The following TMEM117 variants were observed in gnomAD, a reference collection of about 807,000 sequenced individuals.
The protein encoded by TMEM117 is transmembrane protein 117.
In TMEM117, 27 loss-of-function variants were observed where a neutral mutation model predicts 52.4. The observed-to-expected ratio is 0.51, with a 90% confidence interval of 0.38 to 0.71. The LOEUF (loss-of-function observed/expected upper bound fraction) is 0.71. TMEM117 is among the 30% of genes least tolerant of loss of function. The pLI, the probability that TMEM117 is intolerant of heterozygous loss-of-function variation, is 0.00. For synonymous variants in TMEM117, 215 were observed against 206.3 expected (o/e 1.04, Z -0.36); for missense variants, 556 against 630.5 (o/e 0.88, Z 1.26).
intron 2 of TMEM117, among the ~76,000 whole-genome samples, chr12:43,858,731 G>C (rs1943440017): frequency 6.6e-6 from 1 of 152,228 alleles, no homozygotes. Context: ...ACACAAACCT[G>C]AGAGAGTGAG....
intron 5 of TMEM117, among the ~76,000 whole-genome samples, chr12:44,260,639 T>C (rs1950309679): frequency 6.6e-6 from 1 of 152,200 alleles, no homozygotes; most frequent in Non-Finnish European, 1.5e-5. Context: ...TTGGTTACTT[T>C]GGTTATCATT....
At chr12:44,168,109 C>G (rs1429072617) in intron 4 of TMEM117, among the ~76,000 whole-genome samples, 1 of 151,998 alleles carries the variant, frequency 6.6e-6, no homozygotes, top group Non-Finnish European at 1.5e-5. Context: ...CAAAAATTAG[C>G]TGGGTGTGGT....
intron 5 of TMEM117, among the ~76,000 whole-genome samples, chr12:44,259,837 C>T (rs1950301050): frequency 6.6e-6 from 1 of 152,102 alleles, no homozygotes; most frequent in Non-Finnish European, 1.5e-5. Context: ...TTATTTGTAA[C>T]CTGGCCCACA....
At chr12:43,978,456 A>G (rs1249611652) in intron 3 of TMEM117, among the ~76,000 whole-genome samples, 4 of 152,156 alleles carry the variant, frequency 2.6e-5, no homozygotes, top group Non-Finnish European at 5.9e-5. Context: ...AGCTCTCTGA[A>G]TGTTAGTAAG....
At chr12:44,350,676 T>C (rs1248727725) in intron 6 of TMEM117, among the ~76,000 whole-genome samples, 1 of 151,972 alleles carries the variant, frequency 6.6e-6, no homozygotes, top group Non-Finnish European at 1.5e-5. Flanking sequence ...GTTCCATCCA[T>C]GTTGTTGCAG....
chr12:44,388,572 A>C lies in TMEM117; in HGVS notation c.1445A>C (p.His482Pro). The C allele has an allele frequency of 6.2e-7, 1 of 1,613,508 alleles. No individual in the cohort carries two copies. Among genetic ancestry groups the C allele is most frequent in the Non-Finnish European group, 8.5e-7 (1 of 1,179,604 alleles). ...DFNEIVYKSS[H>P]LTSENLSSQL... The stretch of plus-strand genomic sequence containing the variant: ...AATGAGATCGTCTACAAGTCTTCCC[A>C]CCTAACCTCGGAAAACTTGAGCTCA... Residue 482 changes from histidine to proline, a missense_variant, in exon 8 of 8, where the codon CAC becomes CCC. His to Pro is a moderately conservative substitution (Grantham distance 77). Transcript: ENST00000266534.
intron 2 of TMEM117, among the ~76,000 whole-genome samples, chr12:43,925,521 G>A (rs1944764931): frequency 6.6e-6 from 1 of 152,106 alleles, no homozygotes; most frequent in Non-Finnish European, 1.5e-5. Flanking sequence ...GGAGGCTGGT[G>A]GAGGCTAGTG....
chr12:43,873,589 T>C (rs1943741828), intron 2 of TMEM117, among the ~76,000 whole-genome samples: 1 of 152,152 alleles, frequency 6.6e-6, no homozygotes, highest in Admixed American at 6.5e-5. Context: ...AAAACATTCG[T>C]TAATTTTATG....
At chr12:44,189,450 T>C (rs1949322949) in intron 4 of TMEM117, among the ~76,000 whole-genome samples, 1 of 152,212 alleles carries the variant, frequency 6.6e-6, no homozygotes, top group African/African-American at 2.4e-5. Flanking sequence ...GATTTGCTTC[T>C]ATACAATAGT....
At chr12:44,018,957 C>T (rs915470338) in intron 3 of TMEM117, among the ~76,000 whole-genome samples, 2 of 152,034 alleles carry the variant, frequency 1.3e-5, no homozygotes, top group African/African-American at 2.4e-5. Flanking sequence ...CTGCCTCAGC[C>T]TCTCAAAGTG....
At chr12:43,920,761 C>A (rs11182329) in intron 2 of TMEM117, among the ~76,000 whole-genome samples, 26,204 of 151,924 alleles carry the variant, frequency 0.17, 3,461 homozygotes, top group African/African-American at 0.36. Context: ...ATTTTAAAAT[C>A]CATCCTTTAA....
chr12:43,839,432 C>A (rs1056588489), intron 1 of TMEM117, among the ~76,000 whole-genome samples: 1 of 152,160 alleles, frequency 6.6e-6, no homozygotes, highest in Admixed American at 6.5e-5. Context: ...CCCTCCTTAA[C>A]GATCCTTAAT....
the TMEM117 span, among the ~76,000 whole-genome samples, chr12:43,813,232 T>TTTTTTTTTTTTTTTTG: frequency 1.5e-5 from 1 of 67,058 alleles, no homozygotes; most frequent in African/African-American, 1.0e-4. Flanking sequence ...TTTTCTCTTG[T>TTTTTTTTTTTTTTTTG]TTTTTTTTTT....
intron 3 of TMEM117, among the ~76,000 whole-genome samples, chr12:43,958,119 G>C (rs1346743968): frequency 6.6e-6 from 1 of 152,188 alleles, no homozygotes; most frequent in African/African-American, 2.4e-5. Flanking sequence ...ATTTTGTGAT[G>C]TGCTTGGCCC....
chr12:44,207,351 C>T (rs965985889), intron 4 of TMEM117, among the ~76,000 whole-genome samples: 1 of 152,044 alleles, frequency 6.6e-6, no homozygotes, highest in African/African-American at 2.4e-5. Context: ...GTAGTACCTG[C>T]GTGGGAATTA....
chr12:43,969,576 T>C (rs1000223688), intron 3 of TMEM117, among the ~76,000 whole-genome samples: 3 of 152,070 alleles, frequency 2.0e-5, no homozygotes, highest in African/African-American at 7.2e-5. Flanking sequence ...ATGAAAACCC[T>C]TGGAGGCTTC....
chr12:44,181,131 T>G (rs1375620318), intron 4 of TMEM117, among the ~76,000 whole-genome samples: 2 of 151,228 alleles, frequency 1.3e-5, no homozygotes, highest in Non-Finnish European at 3.0e-5. Context: ...TCATGTGTTT[T>G]TTGGCTGCAT....
intron 5 of TMEM117, among the ~76,000 whole-genome samples, chr12:44,276,570 A>G (rs1301360437): frequency 6.6e-6 from 1 of 152,090 alleles, no homozygotes; most frequent in East Asian, 1.9e-4. Context: ...TCTACTGTAT[A>G]CCATGGTACC....
intron 3 of TMEM117, among the ~76,000 whole-genome samples, chr12:43,994,328 A>C (rs1364719693): frequency 6.6e-6 from 1 of 152,218 alleles, no homozygotes; most frequent in Non-Finnish European, 1.5e-5. Context: ...TAGACCCCTT[A>C]AAATATTTGG....
Sources: gnomAD v4.1 joint callset for allele counts (sites outside exome capture counted in the v4.1 genomes callset) on GRCh38, gnomAD v4.1.1 for gene constraint, MANE v1.5 for transcripts, NCBI Gene and HGNC (gene_info 2026-07-23, HGNC 2026-07-21) for gene names.